CCDC85A: variants seen among roughly 807,000 people sequenced by gnomAD.
The protein encoded by CCDC85A is coiled-coil domain containing 85A.
A neutral mutation model predicts 50.2 loss-of-function variants in CCDC85A; 38 were observed. The observed-to-expected ratio is 0.76, with a 90% CI of 0.58 to 0.99. The LOEUF (loss-of-function observed/expected upper bound fraction) is 0.99. CCDC85A is among the 50% of genes least tolerant of loss of function. The probability of loss-of-function intolerance (pLI) is 0.00; values close to 1 mark genes in which losing one functional copy is unlikely to be tolerated. For synonymous variants in CCDC85A, 366 were observed against 301.4 expected (o/e 1.21, Z -2.22); for missense variants, 820 against 742.0 (o/e 1.11, Z -1.22).
At chr2:56,279,158 A>G (rs1221242602) in intron 2 of CCDC85A, among the ~76,000 whole-genome samples, 1 of 152,200 alleles carries the variant, frequency 6.6e-6, no homozygotes, top group Non-Finnish European at 1.5e-5. Context: ...TTGACCTTCC[A>G]GCAGACTCAG....
chr2:56,297,885 G>C (rs899222825), intron 2 of CCDC85A, among the ~76,000 whole-genome samples: 1 of 152,154 alleles, frequency 6.6e-6, no homozygotes, highest in Non-Finnish European at 1.5e-5. Context: ...AGTGTGTAGG[G>C]GTGTAACCAG....
chr2:56,315,176 A>G (rs1220937507), intron 2 of CCDC85A, among the ~76,000 whole-genome samples: 3 of 152,160 alleles, frequency 2.0e-5, no homozygotes, highest in Admixed American at 1.3e-4. Flanking sequence ...AATTCTGCCC[A>G]TCCCATTCCA....
At chr2:56,326,631 C>G (rs757728869) in intron 2 of CCDC85A, among the ~76,000 whole-genome samples, 2 of 152,026 alleles carry the variant, frequency 1.3e-5, no homozygotes, top group African/African-American at 4.8e-5. Flanking sequence ...TTTAAGAGGA[C>G]TCTTGAGATT....
Position 56,184,524 on chromosome 2 carries a change from G to T in CCDC85A, c.-101G>T. On this transcript the variant is annotated 5_prime_UTR_variant, in exon 1 of 6. Coordinates refer to ENST00000407595, the MANE Select transcript of CCDC85A (RefSeq NM_001080433.2). ...CCTGGGCGGTGCCGCTGACTCGCCG[G>T]AGCGCACAGGGGTGTGGGCGGAGGC... 9 of 1,228,618 alleles carry T rather than the reference G, an allele frequency of 7.3e-6. No individual in the cohort carries two copies. Among genetic ancestry groups the T allele is most frequent in the Non-Finnish European group, 9.3e-6 (9 of 971,780 alleles). 76.1% of individuals were successfully genotyped at this position (1,228,618 alleles called of 1,614,324 possible). A position where few individuals can be genotyped will look rare whatever the true frequency, so the allele number is the denominator to read the frequency against.
intron 4 of CCDC85A, among the ~76,000 whole-genome samples, chr2:56,372,886 T>C (rs1676147086): frequency 6.6e-6 from 1 of 152,246 alleles, no homozygotes; most frequent in South Asian, 2.1e-4. Flanking sequence ...ACAAGCCACT[T>C]AATCTGGAAA....
At chr2:56,275,171 C>G (rs181164629) in intron 2 of CCDC85A, among the ~76,000 whole-genome samples, 3 of 152,250 alleles carry the variant, frequency 2.0e-5, no homozygotes, top group African/African-American at 7.2e-5. Flanking sequence ...GCTTTGAACC[C>G]ACCATGAATC....
intron 2 of CCDC85A, among the ~76,000 whole-genome samples, chr2:56,228,519 CTTTATTTTTTATTTTTTTA>C (rs1366230856): frequency 2.7e-5 from 4 of 150,038 alleles, no homozygotes; most frequent in African/African-American, 9.9e-5. Context: ...TCTTTCTCCC[CTTTATTTTTTATTTTTTTA>C]TTTATTTTTT....
chr2:56,298,630 G>A (rs961049223), intron 2 of CCDC85A, among the ~76,000 whole-genome samples: 8 of 152,132 alleles, frequency 5.3e-5, no homozygotes, highest in Non-Finnish European at 1.0e-4. Context: ...TTCTAGTTTC[G>A]ATTTTTAAAA....
intron 2 of CCDC85A, among the ~76,000 whole-genome samples, chr2:56,323,462 T>C (rs958810734): frequency 3.4e-4 from 52 of 151,954 alleles, no homozygotes; most frequent in African/African-American, 1.2e-3. Flanking sequence ...TATCATCTGC[T>C]TGCTATTTAG....
chr2:56,230,192 G>T (rs568250769), intron 2 of CCDC85A, among the ~76,000 whole-genome samples: 1 of 152,164 alleles, frequency 6.6e-6, no homozygotes, highest in African/African-American at 2.4e-5. Flanking sequence ...TCTTGAGGCT[G>T]GATGAAACTT....
chr2:56,328,968 G>GT (rs1673619575), intron 2 of CCDC85A, among the ~76,000 whole-genome samples: 1 of 152,214 alleles, frequency 6.6e-6, no homozygotes, highest in South Asian at 2.1e-4. Context: ...TGTTGCCACA[G>GT]TACACCACAT....
chr2:56,192,641 G>A lies in CCDC85A; in HGVS notation c.441G>A (p.Lys147=), dbSNP rs1482912755. The stretch of plus-strand genomic sequence containing the variant: ...AGGAAGTGGCCTTATACCTGCAGAA[G>A]CTGAAAGACCTGGAGGTGAAGCAGG... The part of the protein sequence containing the change: ...MHKEVALYLQ[K]LKDLEVKQEE... The change falls in exon 2 of 6, where the codon AAG becomes AAA. Residue 147 remains lysine (K), a synonymous_variant. Coordinates refer to ENST00000407595, the MANE Select transcript of CCDC85A (RefSeq NM_001080433.2). This position sits in a 1 kb window ranked among gnomAD's most constrained non-coding sequence, Gnocchi z 4.7. The A allele has an allele frequency of 1.2e-6, 2 of 1,613,932 alleles. No homozygotes were observed. The highest frequency in any genetic ancestry group is 1.1e-5 in the South Asian group (1 of 91,080).
chr2:56,210,821 A>T (rs955481471), intron 2 of CCDC85A, among the ~76,000 whole-genome samples: 3 of 151,970 alleles, frequency 2.0e-5, no homozygotes, highest in Non-Finnish European at 4.4e-5. Context: ...GCATTTTGTG[A>T]CCTAGTCTTA....
intron 2 of CCDC85A, among the ~76,000 whole-genome samples, chr2:56,328,278 C>T (rs375903825): frequency 6.7e-4 from 102 of 152,222 alleles, no homozygotes; most frequent in African/African-American, 2.1e-3. Flanking sequence ...AGAGAGAACT[C>T]GCTGAAATGC....
At position 56,184,832 on chromosome 2, in the gene CCDC85A, C is replaced by A. The variant is rs1374438414; in HGVS notation, c.208C>A (p.His70Asn). The A allele has an allele frequency of 6.5e-7, 1 of 1,543,186 alleles. No individual in the cohort carries two copies. Among genetic ancestry groups the A allele is most frequent in the East Asian group, 2.5e-5 (1 of 40,420 alleles). ...GGAGAAGGTGAGCGCGATGCTGGACCACAGCAACCTCATCCGCGAGGTGAA... is the reference window on the plus strand; with the variant it reads ...GGAGAAGGTGAGCGCGATGCTGGACAACAGCAACCTCATCCGCGAGGTGAA... Reference protein sequence around the residue: ...EAEKVSAMLDHSNLIREVNRR... With the variant: ...EAEKVSAMLDNSNLIREVNRR... The change falls in exon 1 of 6, where the codon CAC becomes AAC. Residue 70 changes from histidine (H) to asparagine (N), a missense_variant. His to Asn is a moderately conservative substitution (Grantham distance 68). Transcript: ENST00000407595.
chr2:56,230,760 G>C (rs190896691), intron 2 of CCDC85A, among the ~76,000 whole-genome samples: 1 of 152,144 alleles, frequency 6.6e-6, no homozygotes, highest in Non-Finnish European at 1.5e-5. Flanking sequence ...ACTTTGACTT[G>C]TTTATCATCT....
intron 2 of CCDC85A, among the ~76,000 whole-genome samples, chr2:56,200,374 T>C (rs957739273): frequency 6.6e-6 from 1 of 152,200 alleles, no homozygotes; most frequent in African/African-American, 2.4e-5. Context: ...CTATTAAGAA[T>C]CGTTCCATGT....
intron 2 of CCDC85A, among the ~76,000 whole-genome samples, chr2:56,295,315 T>C (rs1671897111): frequency 6.6e-6 from 1 of 152,186 alleles, no homozygotes; most frequent in Non-Finnish European, 1.5e-5. Context: ...ATAGCAGGGT[T>C]TTTATTCTTT....
intron 2 of CCDC85A, among the ~76,000 whole-genome samples, chr2:56,212,949 A>C (rs1033527394): frequency 6.6e-6 from 1 of 152,064 alleles, no homozygotes; most frequent in African/African-American, 2.4e-5. Flanking sequence ...CCCTCCAAAG[A>C]GGAAATAATA....
Sources: gnomAD v4.1 joint callset for allele counts (sites outside exome capture counted in the v4.1 genomes callset) on GRCh38, gnomAD v4.1.1 for gene constraint, Gnocchi (gnomAD v3.1) non-coding constraint, MANE v1.5 for transcripts, NCBI Gene and HGNC (gene_info 2026-07-23, HGNC 2026-07-21) for gene names.